Variants in SPIDR observed in about 807,000 individuals in gnomAD.
The protein encoded by SPIDR is DNA repair-scaffolding protein.
SPIDR carries 93 observed loss-of-function variants against 104.6 expected under a neutral mutation model. That is an observed-to-expected ratio of 0.89 (90% CI 0.75 to 1.06). The LOEUF is 1.06. SPIDR is among the 50% of genes least tolerant of loss of function. The pLI, the probability that SPIDR is intolerant of heterozygous loss-of-function variation, is 0.00. For synonymous variants in SPIDR, 431 were observed against 416.9 expected, an observed-to-expected ratio of 1.03 and a Z score of -0.41; for missense variants, 1,154 against 1,111.2, an observed-to-expected ratio of 1.04 and a Z score of -0.55.
chr8:47,648,102 G>A (rs1490845735), intron 10 of SPIDR, among the ~76,000 whole-genome samples: 3 of 152,190 alleles, frequency 2.0e-5, no homozygotes, highest in African/African-American at 7.2e-5. Flanking sequence ...AAATGACTGT[G>A]TGAGAAGCAA....
chr8:47,472,133 C>G (rs1465741324), intron 8 of SPIDR, among the ~76,000 whole-genome samples: 1 of 152,216 alleles, frequency 6.6e-6, no homozygotes, highest in Non-Finnish European at 1.5e-5. Flanking sequence ...TATACAGTCT[C>G]CCTGAAAGTA....
chr8:47,456,760 C>T (rs1325935514), intron 8 of SPIDR, among the ~76,000 whole-genome samples: 2 of 152,074 alleles, frequency 1.3e-5, no homozygotes, highest in Non-Finnish European at 2.9e-5. Flanking sequence ...TCACCCACTT[C>T]CCACCCTTCC....
At position 47,301,210 on chromosome 8, in the gene SPIDR, T is replaced by G. The variant is rs986844370; in HGVS notation, c.525+7180T>G. ...CTTTACCATTATGAAATGGCCTTCTTTGTCTCTTCTGATCTTTGTTGGCTT... is the reference window on the plus strand; with the variant it reads ...CTTTACCATTATGAAATGGCCTTCTGTGTCTCTTCTGATCTTTGTTGGCTT... On this transcript the variant is annotated intron_variant, in intron 5 of 19. Coordinates refer to ENST00000297423, the MANE Select transcript of SPIDR (RefSeq NM_001080394.4). Among the ~76,000 whole-genome samples the G allele has an allele frequency of 2.8e-4, 42 of 152,216 alleles. 1 individual carries two copies. The highest frequency in any genetic ancestry group is 6.0e-4 in the Non-Finnish European group (41 of 68,042).
rs1467777713 is a variant in SPIDR, at chr8:47,293,748, C to A, written c.362-119C>A. On this transcript the variant is annotated intron_variant, in intron 4 of 19. Transcript: ENST00000297423. ...CAGGCATGAGCTATTGTGCCTGGCCCTAAATATATTTTTTAAAATTATTGA... is the reference window on the plus strand; with the variant it reads ...CAGGCATGAGCTATTGTGCCTGGCCATAAATATATTTTTTAAAATTATTGA... The A allele has an allele frequency of 4.3e-6, 5 of 1,157,730 alleles. No individual in the cohort carries two copies. In the African/African-American group the frequency reaches 7.9e-5, roughly 18 times the overall value. The allele number at this position is 1,157,730 out of a possible 1,614,324, so 71.7% of individuals were successfully genotyped here. A position where few individuals can be genotyped will look rare whatever the true frequency, so the allele number is the denominator to read the frequency against.
intron 8 of SPIDR, among the ~76,000 whole-genome samples, chr8:47,588,385 T>C (rs2154417404): frequency 6.6e-6 from 1 of 151,854 alleles, no homozygotes; most frequent in African/African-American, 2.4e-5. Context: ...TGTCCATGAA[T>C]TCATTGACAA....
intron 10 of SPIDR, among the ~76,000 whole-genome samples, chr8:47,606,513 G>A (rs770003103): frequency 2.6e-5 from 4 of 151,970 alleles, no homozygotes; most frequent in Non-Finnish European, 5.9e-5. Context: ...GCAACAGAGC[G>A]AGACTCCATC....
At chr8:47,602,554 C>G (rs1377041965) in intron 10 of SPIDR, among the ~76,000 whole-genome samples, 1 of 152,132 alleles carries the variant, frequency 6.6e-6, no homozygotes, top group Non-Finnish European at 1.5e-5. Context: ...AATAGTTGCC[C>G]CTTCCCCACC....
chr8:47,575,519 C>T (rs1293672794), intron 8 of SPIDR, among the ~76,000 whole-genome samples: 7 of 150,894 alleles, frequency 4.6e-5, no homozygotes, highest in Admixed American at 6.6e-5. Flanking sequence ...TGGTAGTGGG[C>T]GCCTGTAGTC....
rs552666747 is a variant in SPIDR at position 47,590,055 on chromosome 8, T to G, written c.1098-5756T>G. ...CGGGACTGGTGGTGGGCACCTGTAA[T>G]CCCAGCTACTCAGGAGGCTGAGGCA... On this transcript the variant is annotated intron_variant, in intron 8 of 19. Transcript: ENST00000297423. Among the ~76,000 whole-genome samples the G allele has an allele frequency of 8.6e-5, 13 of 151,630 alleles. 1 individual carries two copies. In the South Asian group the frequency reaches 2.7e-3, roughly 32 times the overall value.
chr8:47,391,909 C>A lies in SPIDR; in HGVS notation c.526-4467C>A, dbSNP rs1489943417. ...TACTCGGGAGGCTGAGGCAGGAGAACGGCGTGAACCTGGGAGGCGGAGCTT... is the reference window on the plus strand; with the variant it reads ...TACTCGGGAGGCTGAGGCAGGAGAAAGGCGTGAACCTGGGAGGCGGAGCTT... On this transcript the variant is annotated intron_variant, in intron 5 of 19. Coordinates refer to ENST00000297423, the MANE Select transcript of SPIDR (RefSeq NM_001080394.4). Among the ~76,000 whole-genome samples the A allele has an allele frequency of 7.4e-5, 11 of 148,234 alleles. No individual in the cohort carries two copies. The Admixed American group carries it at 7.4e-4, about 10-fold the overall frequency.
At chr8:47,343,912 A>G (rs1271833069) in intron 5 of SPIDR, among the ~76,000 whole-genome samples, 1 of 151,794 alleles carries the variant, frequency 6.6e-6, no homozygotes, top group Non-Finnish European at 1.5e-5. Flanking sequence ...TACGTATTTA[A>G]TCTTCTGTGG....
In SPIDR at chr8:47,729,011, C is replaced by CT; in HGVS notation, c.2515dup (p.Cys839LeufsTer28). The stretch of plus-strand genomic sequence containing the variant: ...AGAGGCACCTGCAGGTCTTCCTGGA[C>CT]TGCCGCTCAAGACCGCAGTGCAGAG... On this transcript the variant is annotated frameshift_variant, in exon 18 of 20. Coordinates refer to ENST00000297423, the MANE Select transcript of SPIDR (RefSeq NM_001080394.4). LOFTEE classifies it high-confidence loss of function. The CT allele has an allele frequency of 1.5e-5, 25 of 1,614,018 alleles. No homozygotes were observed. The highest frequency in any genetic ancestry group is 1.9e-5 in the Non-Finnish European group (23 of 1,180,038).
In SPIDR at chr8:47,327,196, AATG is replaced by A. The variant is rs148492593; in HGVS notation, c.525+33174_525+33176del. On this transcript the variant is annotated intron_variant, in intron 5 of 19. Transcript: ENST00000297423. ...TTTGGTTTGCAATTCTCTAATAGCTAATGATGATGAGCACTGTTTCATGTGGTG... is the reference window on the plus strand; with the variant it reads ...TTTGGTTTGCAATTCTCTAATAGCTAATGATGAGCACTGTTTCATGTGGTG... 4.6e-5 allele frequency among the ~76,000 whole-genome samples: 7 copies of A among 152,268 alleles called. No homozygotes were observed. The East Asian group carries it at 1.4e-3, about 29-fold the overall frequency.
intron 8 of SPIDR, among the ~76,000 whole-genome samples, chr8:47,515,165 G>A (rs940162396): frequency 6.6e-6 from 1 of 152,158 alleles, no homozygotes; most frequent in African/African-American, 2.4e-5. Flanking sequence ...ACTGATTCTA[G>A]TGTGCTTTCT....
chr8:47,676,379 T>C (rs992739049), intron 11 of SPIDR, among the ~76,000 whole-genome samples: 5 of 152,236 alleles, frequency 3.3e-5, no homozygotes, highest in Non-Finnish European at 4.4e-5. Flanking sequence ...TCCAAATAAA[T>C]GTTTAGATTG....
chr8:47,322,083 A>G (rs913242545), intron 5 of SPIDR, among the ~76,000 whole-genome samples: 1 of 152,240 alleles, frequency 6.6e-6, no homozygotes, highest in Admixed American at 6.5e-5. Flanking sequence ...ACGAAAGCCA[A>G]AATTGACAAC....
chr8:47,729,529 C>T (rs747190125), intron 19 of SPIDR, 64 bp downstream of exon 19: 1 of 1,531,398 alleles, frequency 6.5e-7, no homozygotes. Flanking sequence ...CAACTCATCC[C>T]CAGAGGAAGC....
intron 11 of SPIDR, among the ~76,000 whole-genome samples, chr8:47,695,950 G>C (rs936933692): frequency 3.3e-4 from 50 of 152,156 alleles, no homozygotes; most frequent in Non-Finnish European, 1.3e-4. Flanking sequence ...TCTTGGGCGT[G>C]GTGCCACTCC....
At chr8:47,690,750 C>T (rs1589229355) in intron 11 of SPIDR, among the ~76,000 whole-genome samples, 2 of 152,198 alleles carry the variant, frequency 1.3e-5, no homozygotes, top group South Asian at 4.1e-4. Flanking sequence ...ACCCAGGAGG[C>T]GGAGGTTGCA....
Sources: gnomAD v4.1 joint callset for allele counts (sites outside exome capture counted in the v4.1 genomes callset) on GRCh38, gnomAD v4.1.1 for gene constraint, MANE v1.5 for transcripts, NCBI Gene and HGNC (gene_info 2026-07-23, HGNC 2026-07-21) for gene names.